LINGO2: variants seen among roughly 807,000 people sequenced by gnomAD.
The protein encoded by LINGO2 is leucine rich repeat and Ig domain containing 2.
A neutral mutation model predicts 30.6 loss-of-function variants in LINGO2; 14 were observed. The ratio of observed to expected loss-of-function variants is 0.46; its 90% CI spans 0.30 to 0.72. The LOEUF is 0.72. LINGO2 is among the 30% of genes least tolerant of loss of function. The probability of loss-of-function intolerance (pLI) is 0.07; values close to 1 mark genes in which losing one functional copy is unlikely to be tolerated. For synonymous variants in LINGO2, 317 were observed against 288.5 expected, an observed-to-expected ratio of 1.10 and a Z score of -1.00; for missense variants, 729 against 751.7, an observed-to-expected ratio of 0.97 and a Z score of 0.35.
chr9:28,696,948 T>C, the LINGO2 span, among the ~76,000 whole-genome samples: 1 of 151,944 alleles, frequency 6.6e-6, no homozygotes, highest in African/African-American at 2.4e-5. Flanking sequence ...ACTTTGCTTC[T>C]ATAATTCCTT....
At chr9:29,141,712 A>G in the LINGO2 span, among the ~76,000 whole-genome samples, 116,794 of 151,696 alleles carry the variant, frequency 0.77, 46,001 homozygotes, top group East Asian at 0.92. Context: ...GGAAAAATAT[A>G]TTCCACACAA....
chr9:28,771,496 TGTGTGTGTGTGAGA>T, the LINGO2 span, among the ~76,000 whole-genome samples: 810 of 110,004 alleles, frequency 7.4e-3, 11 homozygotes, highest in Non-Finnish European at 0.01. Context: ...TGTGTGTGTG[TGTGTGTGTGTGAGA>T]GAGAGAGAGA....
intron 1 of LINGO2, among the ~76,000 whole-genome samples, chr9:28,602,819 G>A (rs536825762): frequency 5.9e-5 from 9 of 152,174 alleles, no homozygotes; most frequent in Non-Finnish European, 1.2e-4. Context: ...CCTAGTGACT[G>A]TACATCTGTG....
rs529965645 is a variant in LINGO2, at chr9:28,504,662, T to C, written c.-364-28637A>G. ...GACAAAATATAAATATTTTTATATA[T>C]GTATTTTATACCTAATAGATATATT... On this transcript the variant is annotated intron_variant, in intron 1 of 5. Transcript: ENST00000379992. 3.4e-4 allele frequency among the ~76,000 whole-genome samples: 51 copies of C among 151,686 alleles called. No homozygotes were observed. In the South Asian group the frequency reaches 9.7e-3, roughly 29 times the overall value.
At chr9:28,368,579 C>G (rs977950136) in intron 3 of LINGO2, among the ~76,000 whole-genome samples, 1 of 122,888 alleles carries the variant, frequency 8.1e-6, no homozygotes, top group Admixed American at 8.6e-5. Flanking sequence ...TTCTTTCTTT[C>G]TCTTCTTTTC....
At chr9:28,627,806 C>T (rs1234638483) in intron 1 of LINGO2, among the ~76,000 whole-genome samples, 1 of 151,910 alleles carries the variant, frequency 6.6e-6, no homozygotes, top group East Asian at 1.9e-4. Flanking sequence ...ATCCATTGGT[C>T]ATTCTGCATC....
At chr9:28,815,823 G>A in the LINGO2 span, among the ~76,000 whole-genome samples, 3 of 152,194 alleles carry the variant, frequency 2.0e-5, no homozygotes, top group East Asian at 5.8e-4. Flanking sequence ...GCCTCTAGAA[G>A]AAGGCTGAGT....
intron 5 of LINGO2, among the ~76,000 whole-genome samples, chr9:27,954,566 TACC>T (rs1451029875): frequency 2.6e-5 from 4 of 152,202 alleles, no homozygotes; most frequent in Non-Finnish European, 5.9e-5. Context: ...TGTATACATG[TACC>T]ACATTTTCTT....
At chr9:27,951,008 G>T (rs1009165745) in intron 5 of LINGO2, among the ~76,000 whole-genome samples, 6 of 152,178 alleles carry the variant, frequency 3.9e-5, no homozygotes, top group African/African-American at 1.4e-4. Flanking sequence ...GTGTGACACA[G>T]ACTGTGAGAC....
chr9:29,127,453 T>C, the LINGO2 span, among the ~76,000 whole-genome samples: 25 of 152,194 alleles, frequency 1.6e-4, no homozygotes, highest in Admixed American at 4.6e-4. Context: ...CTTTTCTCTC[T>C]CTGTCTTTTT....
chr9:28,276,152 G>C (rs575506192), intron 4 of LINGO2, among the ~76,000 whole-genome samples: 1 of 152,144 alleles, frequency 6.6e-6, no homozygotes, highest in South Asian at 2.1e-4. Context: ...TTCATATCAG[G>C]AGCCTTGTAC....
chr9:27,980,527 T>C (rs1401591465), intron 5 of LINGO2, among the ~76,000 whole-genome samples: 1 of 151,998 alleles, frequency 6.6e-6, no homozygotes, highest in Non-Finnish European at 1.5e-5. Context: ...CTTCAATGTT[T>C]TGACCGCTGC....
chr9:28,823,783 A>G, the LINGO2 span, among the ~76,000 whole-genome samples: 1 of 152,170 alleles, frequency 6.6e-6, no homozygotes. Flanking sequence ...AAATCTGTAG[A>G]CACTGCTTTG....
At chr9:28,552,645 T>C (rs115407578) in intron 1 of LINGO2, among the ~76,000 whole-genome samples, 1 of 142,582 alleles carries the variant, frequency 7.0e-6, no homozygotes, top group African/African-American at 2.7e-5. Flanking sequence ...CTTTTTATGA[T>C]TTTTTTTTTT....
At chr9:29,140,138 C>A in the LINGO2 span, among the ~76,000 whole-genome samples, 1 of 151,800 alleles carries the variant, frequency 6.6e-6, no homozygotes, top group Non-Finnish European at 1.5e-5. Context: ...GCTATTTTTT[C>A]AAATGTATAG....
At chr9:28,915,710 G>A in the LINGO2 span, among the ~76,000 whole-genome samples, 111,352 of 151,818 alleles carry the variant, frequency 0.73, 41,034 homozygotes, top group Non-Finnish European at 0.78. Context: ...TAGTTCAAAT[G>A]TTCACTAAAT....
chr9:28,482,015 G>A (rs1825990255), intron 1 of LINGO2, among the ~76,000 whole-genome samples: 1 of 152,068 alleles, frequency 6.6e-6, no homozygotes, highest in African/African-American at 2.4e-5. Context: ...TCTTAATCCA[G>A]TCTATCATTG....
intron 1 of LINGO2, among the ~76,000 whole-genome samples, chr9:28,588,784 C>T (rs1037540048): frequency 2.0e-5 from 3 of 151,986 alleles, no homozygotes; most frequent in African/African-American, 7.2e-5. Flanking sequence ...AGGACAGGTA[C>T]AGATATTACT....
intron 4 of LINGO2, among the ~76,000 whole-genome samples, chr9:28,203,275 C>T (rs1820299404): frequency 6.6e-6 from 1 of 152,094 alleles, no homozygotes; most frequent in Admixed American, 6.5e-5. Flanking sequence ...TTATGTCATT[C>T]CTAATGTTCA....
Sources: allele counts gnomAD v4.1 joint callset (sites outside exome capture counted in the v4.1 genomes callset), GRCh38; gene constraint gnomAD v4.1.1; transcripts MANE v1.5; gene names NCBI Gene and HGNC (gene_info 2026-07-23, HGNC 2026-07-21).